Variants in RUNX1 observed in about 807,000 individuals in gnomAD.
The protein encoded by RUNX1 is RUNX family transcription factor 1.
In RUNX1, 19 loss-of-function variants were observed where a neutral mutation model predicts 42.8. That is an observed-to-expected ratio of 0.44 (90% confidence interval 0.31 to 0.65). The LOEUF (loss-of-function observed/expected upper bound fraction) is 0.65. Among genes scored for constraint, RUNX1 ranks in the 30% least tolerant of loss-of-function variants. RUNX1 has a pLI of 0.07. For synonymous variants in RUNX1, 271 were observed against 289.4 expected (o/e 0.94, Z 0.64); for missense variants, 528 against 672.0 (o/e 0.79, Z 2.37).
chr21:35,000,009 T>C (rs1370180829), intron 2 of RUNX1, among the ~76,000 whole-genome samples: 1 of 152,042 alleles, frequency 6.6e-6, no homozygotes, highest in Non-Finnish European at 1.5e-5. Flanking sequence ...CTTATAATAT[T>C]TGACTTTTAC....
intron 2 of RUNX1, among the ~76,000 whole-genome samples, chr21:34,982,521 G>A (rs944321659): frequency 0.015 from 2 of 130 alleles, no homozygotes; most frequent in East Asian, 0.25. Context: ...TTCTGTTTAT[G>A]TTTTATATAG....
intron 7 of RUNX1, among the ~76,000 whole-genome samples, chr21:34,819,141 G>C (rs978890314): frequency 6.6e-6 from 1 of 152,224 alleles, no homozygotes; most frequent in Non-Finnish European, 1.5e-5. Context: ...AAGTGCCCAA[G>C]TCAGAGGAGG....
intron 2 of RUNX1, among the ~76,000 whole-genome samples, chr21:34,969,572 G>A (rs1359221349): frequency 2.0e-5 from 3 of 152,068 alleles, no homozygotes; most frequent in African/African-American, 2.4e-5. Context: ...ATCAAACAGC[G>A]AGAGGCACTT....
chr21:34,987,246 G>A (rs138691019), intron 2 of RUNX1, among the ~76,000 whole-genome samples: 4 of 152,164 alleles, frequency 2.6e-5, no homozygotes, highest in African/African-American at 4.8e-5. Context: ...ATTAAATCTC[G>A]CTTCGTCCGC....
Position 34,906,718 on chromosome 21 carries a change from A to G in RUNX1, c.59-13755T>C, listed in dbSNP as rs117289285. Among the ~76,000 whole-genome samples, 719 of 152,296 alleles carry G rather than the reference A, an allele frequency of 4.7e-3. 3 individuals carry two copies. Among genetic ancestry groups the G allele is most frequent in the Non-Finnish European group, 8.8e-3 (599 of 68,030 alleles). On this transcript the variant is annotated intron_variant, in intron 2 of 8. Coordinates refer to ENST00000675419, the MANE Select transcript of RUNX1 (RefSeq NM_001754.5). ...AAGTTTCATAGACAATGACTTTCCC[A>G]AAGGACTCCTTTTGCTTCTGAAGGG...
intron 7 of RUNX1, among the ~76,000 whole-genome samples, chr21:34,814,330 G>A (rs1259688528): frequency 6.6e-6 from 1 of 152,082 alleles, no homozygotes; most frequent in Non-Finnish European, 1.5e-5. Flanking sequence ...TCGTGGGGAG[G>A]AGGAAGGCTT....
intron 2 of RUNX1, among the ~76,000 whole-genome samples, chr21:34,897,457 T>C (rs1420989804): frequency 6.6e-6 from 1 of 152,234 alleles, no homozygotes; most frequent in Non-Finnish European, 1.5e-5. Context: ...GTCCTCATCT[T>C]GGAGGGGGGC....
chr21:34,888,825 C>T, intron 3 of RUNX1: 1 of 367,342 alleles, frequency 2.7e-6, no homozygotes, highest in Non-Finnish European at 3.9e-6. Flanking sequence ...GCGCGGCTCG[C>T]CGCCGCCGGC....
intron 2 of RUNX1, among the ~76,000 whole-genome samples, chr21:35,033,250 A>C (rs2059285742): frequency 1.3e-5 from 2 of 152,258 alleles, no homozygotes; most frequent in Non-Finnish European, 2.9e-5. Context: ...CATATGAGCC[A>C]TCTCTCAAAT....
At chr21:34,995,720 C>T (rs61207288) in intron 2 of RUNX1, among the ~76,000 whole-genome samples, 19,945 of 152,180 alleles carry the variant, frequency 0.13, 1,446 homozygotes, top group Admixed American at 0.2. Context: ...GGATTATAGG[C>T]GTGAACCACC....
rs146384333 is a variant in RUNX1, at chr21:34,923,890, G to A, written c.59-30927C>T. ...ACGCTGCTGCTGAGCCATGTCTCTC[G>A]CGTTAAAATCTGAACACATTTCCCT... is the stretch of plus-strand genomic sequence containing the variant. On this transcript the variant is annotated intron_variant, in intron 2 of 8. Coordinates refer to ENST00000675419, the MANE Select transcript of RUNX1 (RefSeq NM_001754.5). Among the ~76,000 whole-genome samples the A allele has an allele frequency of 1.9e-4, 22 of 113,186 alleles. 2 individuals are homozygous for A. Among genetic ancestry groups the A allele is most frequent in the East Asian group, 1.5e-3 (7 of 4,604 alleles). 74.3% of individuals were successfully genotyped at this position (113,186 alleles called of 152,430 possible).
intron 2 of RUNX1, among the ~76,000 whole-genome samples, chr21:34,936,545 C>A (rs1428211660): frequency 6.6e-6 from 1 of 152,272 alleles, no homozygotes; most frequent in South Asian, 2.1e-4. Flanking sequence ...TAAAAAGCTG[C>A]TAACTGTGTA....
intron 2 of RUNX1, among the ~76,000 whole-genome samples, chr21:34,893,975 C>T (rs2058108441): frequency 6.6e-6 from 1 of 151,286 alleles, no homozygotes; most frequent in Non-Finnish European, 1.5e-5. Flanking sequence ...TGTATAGTCT[C>T]AAAGGAGCAT....
chr21:34,791,942 G>A lies in RUNX1; in HGVS notation c.*193C>T. ...CGGGGCGCCAGCAGACGGCGGCGGC[G>A]TGGGCTTCTGGGCGCAGGAGGCTGC... is the stretch of plus-strand genomic sequence containing the variant. On this transcript the variant is annotated 3_prime_UTR_variant, in exon 9 of 9. Coordinates refer to ENST00000675419, the MANE Select transcript of RUNX1 (RefSeq NM_001754.5). The A allele has an allele frequency of 5.5e-6, 2 of 361,742 alleles. No individual in the cohort carries two copies. The highest frequency in any genetic ancestry group is 1.0e-5 in the Non-Finnish European group (2 of 193,990). 22.4% of individuals were successfully genotyped at this position (361,742 alleles called of 1,614,324 possible).
chr21:34,792,293 G>A lies in RUNX1; in HGVS notation c.1285C>T (p.Leu429=), dbSNP rs1482583619. 1.9e-6 allele frequency: 3 copies of A among 1,542,504 alleles called. No homozygotes were observed. The highest frequency in any genetic ancestry group is 2.6e-6 in the Non-Finnish European group (3 of 1,146,230). The change falls in exon 9 of 9, where the codon CTG becomes TTG. Residue 429 remains leucine, a synonymous_variant. Transcript: ENST00000675419. This position sits in a 1 kb window ranked among gnomAD's most constrained non-coding sequence, Gnocchi z 6.9. ...GTGGAGGCGTTGGTGCAGGGCGGCA[G>A]GATGCGCGGCGGCGAGCGCTCGCCG... ...VGGERSPPRI[L]PPCTNASTGS...
intron 2 of RUNX1, among the ~76,000 whole-genome samples, chr21:34,982,690 C>T (rs1036049349): frequency 6.6e-6 from 1 of 152,094 alleles, no homozygotes. Context: ...CTGCCTTAGC[C>T]TCCTGAGTAG....
Position 34,823,973 on chromosome 21 carries a change from C to T in RUNX1, c.805+10437G>A, listed in dbSNP as rs536736255. Among the ~76,000 whole-genome samples, 74 of 152,244 alleles carry T rather than the reference C, an allele frequency of 4.9e-4. No individual in the cohort carries two copies. In the South Asian group the frequency reaches 0.014, roughly 29 times the overall value. ...GAAGACACTTTTCAAAATCTTGAAACCCTATTGAGAAAGTTCTAAACCCTA... is the reference window on the plus strand; with the variant it reads ...GAAGACACTTTTCAAAATCTTGAAATCCTATTGAGAAAGTTCTAAACCCTA... On this transcript the variant is annotated intron_variant, in intron 7 of 8. Transcript: ENST00000675419.
intron 2 of RUNX1, among the ~76,000 whole-genome samples, chr21:34,894,812 T>A (rs2058115659): frequency 1.3e-5 from 2 of 151,278 alleles, no homozygotes; most frequent in Admixed American, 6.6e-5. Context: ...ATTTTACAGA[T>A]AAGGAACCTC....
intron 2 of RUNX1, among the ~76,000 whole-genome samples, chr21:34,991,489 T>C (rs1269891430): frequency 1.3e-5 from 2 of 152,200 alleles, no homozygotes; most frequent in African/African-American, 2.4e-5. Context: ...TGACTTTATC[T>C]GACCAAACTG....
Sources: allele counts gnomAD v4.1 joint callset (sites outside exome capture counted in the v4.1 genomes callset), GRCh38; gene constraint gnomAD v4.1.1; non-coding constraint Gnocchi (gnomAD v3.1); transcripts MANE v1.5; gene names NCBI Gene and HGNC (gene_info 2026-07-23, HGNC 2026-07-21).